TSPAN5: variants seen among roughly 807,000 people sequenced by gnomAD.
TSPAN5 encodes the protein tetraspanin-5.
A neutral mutation model predicts 37.1 loss-of-function variants in TSPAN5; 10 were observed. The observed-to-expected ratio is 0.27, with a 90% CI of 0.17 to 0.46. The LOEUF is 0.46. TSPAN5 is among the 20% of genes least tolerant of loss of function. The pLI is 1.00. For missense variants in TSPAN5, 195 were observed against 326.6 expected (o/e 0.60, Z 3.11); for synonymous variants, 110 against 118.9 (o/e 0.93, Z 0.48).
At chr4:98,555,004 TAATAGAAGA>T (rs1160483771) in intron 1 of TSPAN5, among the ~76,000 whole-genome samples, 1 of 152,176 alleles carries the variant, frequency 6.6e-6, no homozygotes, top group Non-Finnish European at 1.5e-5. Context: ...CCTTGGATGG[TAATAGAAGA>T]AATAGCCTGA....
Position 98,476,446 on chromosome 4 carries a change from G to A in TSPAN5, c.591C>T (p.Asn197=). 6 of 1,614,196 alleles carry A rather than the reference G, an allele frequency of 3.7e-6. No homozygotes were observed. Among genetic ancestry groups the A allele is most frequent in the Non-Finnish European group, 4.2e-6 (5 of 1,180,036 alleles). Residue 197 remains asparagine (N), a synonymous_variant, in exon 6 of 8, where the codon AAC becomes AAT. Coordinates refer to ENST00000305798, the MANE Select transcript of TSPAN5 (RefSeq NM_005723.4). The part of the protein sequence containing the change: ...CTKDPAEDVI[N]TQCGYDARQK... ...GCCTGGCATCATAGCCACACTGAGT[G>A]TTGATGACATCTTCCTGGTGAAGAA...
At chr4:98,497,535 T>G (rs1053755301) in intron 2 of TSPAN5, among the ~76,000 whole-genome samples, 8 of 152,156 alleles carry the variant, frequency 5.3e-5, no homozygotes, top group African/African-American at 1.9e-4. Context: ...TACAGCAGCC[T>G]GAGCTAAAAC....
intron 1 of TSPAN5, among the ~76,000 whole-genome samples, chr4:98,592,909 T>A (rs1371586580): frequency 6.9e-6 from 1 of 145,492 alleles, no homozygotes; most frequent in African/African-American, 2.5e-5. Context: ...CGTGTGCATG[T>A]GTCTTTATAG....
chr4:98,493,950 C>T (rs887858098), intron 2 of TSPAN5, among the ~76,000 whole-genome samples: 14 of 152,216 alleles, frequency 9.2e-5, no homozygotes, highest in Admixed American at 9.2e-4. Flanking sequence ...GGCATATCCA[C>T]TTGAAGCCTT....
chr4:98,560,487 A>G (rs1754856860), intron 1 of TSPAN5, among the ~76,000 whole-genome samples: 1 of 152,212 alleles, frequency 6.6e-6, no homozygotes, highest in African/African-American at 2.4e-5. Flanking sequence ...GAAGAGACTA[A>G]TATCTTCAAT....
chr4:98,626,509 C>T (rs905502533), intron 1 of TSPAN5, among the ~76,000 whole-genome samples: 3 of 152,112 alleles, frequency 2.0e-5, no homozygotes, highest in African/African-American at 4.8e-5. Flanking sequence ...CCCTGCTCTG[C>T]CTTTCTGACT....
At chr4:98,591,817 G>A (rs576130670) in intron 1 of TSPAN5, among the ~76,000 whole-genome samples, 51 of 151,804 alleles carry the variant, frequency 3.4e-4, no homozygotes, top group Non-Finnish European at 4.1e-4. Flanking sequence ...TAAGTTTAAT[G>A]CAATTCCAAT....
chr4:98,557,084 T>C (rs1754766822), intron 1 of TSPAN5, among the ~76,000 whole-genome samples: 1 of 152,202 alleles, frequency 6.6e-6, no homozygotes, highest in South Asian at 2.1e-4. Context: ...ATACTCTTAT[T>C]GAGAGCAACA....
At chr4:98,563,439 T>C (rs530032316) in intron 1 of TSPAN5, among the ~76,000 whole-genome samples, 3 of 152,352 alleles carry the variant, frequency 2.0e-5, no homozygotes, top group African/African-American at 7.2e-5. Flanking sequence ...AGGAACTTCC[T>C]GAAAGCAGTC....
rs967519275 is a variant in TSPAN5 at position 98,575,001 on chromosome 4, G to A, written c.82-67273C>T. The A allele has an allele frequency of 3.2e-5, 5 of 155,876 alleles. 1 individual carries two copies. The highest frequency in any genetic ancestry group is 3.8e-4 in the East Asian group (2 of 5,210). 9.7% of individuals were successfully genotyped at this position (155,876 alleles called of 1,614,324 possible). On this transcript the variant is annotated intron_variant, in intron 1 of 7. Coordinates refer to ENST00000305798, the MANE Select transcript of TSPAN5 (RefSeq NM_005723.4). ...GGGCCACAGGAAAAGCACAGACTCC[G>A]GAGTGTAGGAGCTGAGAGGTGCAGA... is the stretch of plus-strand genomic sequence containing the variant.
intron 7 of TSPAN5, among the ~76,000 whole-genome samples, chr4:98,473,204 T>C (rs190431615): frequency 6.6e-6 from 1 of 152,322 alleles, no homozygotes; most frequent in East Asian, 1.9e-4. Context: ...AGGAGTAGAA[T>C]TGCTGACTCA....
At chr4:98,473,080 T>C (rs147304771) in intron 7 of TSPAN5, among the ~76,000 whole-genome samples, 1 of 152,366 alleles carries the variant, frequency 6.6e-6, no homozygotes, top group African/African-American at 2.4e-5. Flanking sequence ...TACTCCTCAG[T>C]TGATGTGTAT....
At chr4:98,507,270 G>A (rs1272955014) in intron 2 of TSPAN5, among the ~76,000 whole-genome samples, 3 of 151,984 alleles carry the variant, frequency 2.0e-5, no homozygotes, top group East Asian at 1.9e-4. Flanking sequence ...AAAAAAAATC[G>A]TTTTTATCTT....
Position 98,472,507 on chromosome 4 carries a change from G to C in TSPAN5, c.*15C>G, listed in dbSNP as rs1432419382. Reference sequence around the variant, plus strand: ...TGGGTCTGTCCAGTGTCTTGCAGCAGCGGTTGCAGGGGGTCTACCAGCTCG... The same window carrying C: ...TGGGTCTGTCCAGTGTCTTGCAGCACCGGTTGCAGGGGGTCTACCAGCTCG... On this transcript the variant is annotated 3_prime_UTR_variant, in exon 8 of 8. Coordinates refer to ENST00000305798, the MANE Select transcript of TSPAN5 (RefSeq NM_005723.4). 6.2e-7 allele frequency: 1 copy of C among 1,613,746 alleles called. No individual in the cohort carries two copies. The highest frequency in any genetic ancestry group is 8.5e-7 in the Non-Finnish European group (1 of 1,179,826).
Position 98,472,579 on chromosome 4 carries a change from C to A in TSPAN5, c.750G>T (p.Gly250=), listed in dbSNP as rs1752613556. Residue 250 remains glycine, a synonymous_variant, in exon 8 of 8, where the codon GGG becomes GGT. Transcript: ENST00000305798. The part of the protein sequence containing the change: ...FIGIALLQIF[G]ICLAQNLVSD... ...TAACCAAATTCTGGGCCAGGCATATCCCAAATATCTGAGAAAGGAAGAAAA... is the reference window on the plus strand; with the variant it reads ...TAACCAAATTCTGGGCCAGGCATATACCAAATATCTGAGAAAGGAAGAAAA... 6.2e-7 allele frequency: 1 copy of A among 1,613,546 alleles called. No homozygotes were observed. Among genetic ancestry groups the A allele is most frequent in the Non-Finnish European group, 8.5e-7 (1 of 1,179,820 alleles).
At chr4:98,502,719 G>A (rs974245885) in intron 2 of TSPAN5, among the ~76,000 whole-genome samples, 7 of 152,076 alleles carry the variant, frequency 4.6e-5, no homozygotes, top group African/African-American at 1.7e-4. Flanking sequence ...ACAAGTAGAT[G>A]GATGAGAAAC....
At chr4:98,607,248 G>A (rs778927014) in intron 1 of TSPAN5, among the ~76,000 whole-genome samples, 1 of 152,170 alleles carries the variant, frequency 6.6e-6, no homozygotes, top group Non-Finnish European at 1.5e-5. Flanking sequence ...AAAAACAGGG[G>A]AGAGAGTTCA....
intron 1 of TSPAN5, among the ~76,000 whole-genome samples, chr4:98,534,753 C>A (rs1754193818): frequency 6.6e-6 from 1 of 152,150 alleles, no homozygotes; most frequent in Non-Finnish European, 1.5e-5. Context: ...CTGCATCGAT[C>A]CCTTTATCAC....
intron 2 of TSPAN5, among the ~76,000 whole-genome samples, chr4:98,504,206 T>G (rs2110283064): frequency 6.6e-6 from 1 of 152,296 alleles, no homozygotes; most frequent in African/African-American, 2.4e-5. Flanking sequence ...TGATCCAGTT[T>G]GGGGATTTAC....
Sources: allele counts gnomAD v4.1 joint callset (sites outside exome capture counted in the v4.1 genomes callset), GRCh38; gene constraint gnomAD v4.1.1; transcripts MANE v1.5; gene names NCBI Gene and HGNC (gene_info 2026-07-23, HGNC 2026-07-21).